The following BRIP1 variants were observed in gnomAD, a reference collection of about 807,000 sequenced individuals.
BRIP1 encodes Fanconi anemia group J protein.
In BRIP1, 88 loss-of-function variants were observed where a neutral mutation model predicts 119.7. That is an observed-to-expected ratio of 0.74 (90% confidence interval 0.62 to 0.88). The LOEUF (loss-of-function observed/expected upper bound fraction) is 0.88. BRIP1 is among the 40% of genes least tolerant of loss of function. The pLI, the probability that BRIP1 is intolerant of heterozygous loss-of-function variation, is 0.00. For missense variants in BRIP1, 1,259 were observed against 1,455.4 expected, an observed-to-expected ratio of 0.87 and a Z score of 2.20; for synonymous variants, 443 against 496.5, an observed-to-expected ratio of 0.89 and a Z score of 1.43.
At chr17:61,721,686 C>T (rs1450831245) in intron 16 of BRIP1, among the ~76,000 whole-genome samples, 2 of 141,662 alleles carry the variant, frequency 1.4e-5, no homozygotes, top group Non-Finnish European at 3.0e-5. Context: ...AGGACATAGA[C>T]TTTGCCTTTT....
intron 6 of BRIP1, among the ~76,000 whole-genome samples, chr17:61,837,701 TA>T (rs1231537853): frequency 6.6e-6 from 1 of 152,126 alleles, no homozygotes; most frequent in Non-Finnish European, 1.5e-5. Flanking sequence ...CATACTATTC[TA>T]AAAAACAATG....
chr17:61,846,097 G>T lies in BRIP1; in HGVS notation c.627+1004C>A, dbSNP rs571717567. On this transcript the variant is annotated intron_variant, in intron 6 of 19. Transcript: ENST00000259008. The surrounding 1 kb of genome is among the most constrained non-coding windows in gnomAD (Gnocchi z 4.3). ...CTCGGGAGGTTGAGGCAGGAGAATGGCATGAACCCAGGAGGCGGAGCTTGC... is the reference window on the plus strand; with the variant it reads ...CTCGGGAGGTTGAGGCAGGAGAATGTCATGAACCCAGGAGGCGGAGCTTGC... Among the ~76,000 whole-genome samples the T allele has an allele frequency of 5.1e-4, 77 of 152,152 alleles. 1 individual carries two copies. The highest frequency in any genetic ancestry group is 7.2e-4 in the Non-Finnish European group (49 of 68,000).
At chr17:61,835,767 A>G (rs539607443) in intron 6 of BRIP1, among the ~76,000 whole-genome samples, 1 of 152,230 alleles carries the variant, frequency 6.6e-6, no homozygotes, top group Admixed American at 6.5e-5. Flanking sequence ...TTAGTACATG[A>G]TAACAGCAAA....
In BRIP1 at chr17:61,705,482, G is replaced by A. The variant is rs536784573; in HGVS notation, c.2492+10469C>T. ...AGTAATGGGATTGCTGAGTTGAATG[G>A]TAGCTCAACTCTTAGTTCAAGCAGC... On this transcript the variant is annotated intron_variant, in intron 17 of 19. Coordinates refer to ENST00000259008, the MANE Select transcript of BRIP1 (RefSeq NM_032043.3). This position sits in a 1 kb window ranked among gnomAD's most constrained non-coding sequence, Gnocchi z 5.0. Among the ~76,000 whole-genome samples, 1 of 152,218 alleles carries A rather than the reference G, an allele frequency of 6.6e-6. No individual in the cohort carries two copies. The highest frequency in any genetic ancestry group is 6.5e-5 in the Admixed American group (1 of 15,274).
In BRIP1 at chr17:61,769,796, C is replaced by G. The variant is rs906751689; in HGVS notation, c.2097+6605G>C. Reference sequence around the variant, plus strand: ...AATCAAGATATGCTTACTGGGACAGCGGCCACTAAAACATAAATTGACAGA... The same window carrying G: ...AATCAAGATATGCTTACTGGGACAGGGGCCACTAAAACATAAATTGACAGA... On this transcript the variant is annotated intron_variant, in intron 14 of 19. Transcript: ENST00000259008. This position sits in a 1 kb window ranked among gnomAD's most constrained non-coding sequence, Gnocchi z 4.9. Among the ~76,000 whole-genome samples, 2 of 152,110 alleles carry G rather than the reference C, an allele frequency of 1.3e-5. No homozygotes were observed. Among genetic ancestry groups the G allele is most frequent in the Non-Finnish European group, 2.9e-5 (2 of 68,024 alleles).
rs1048493234 is a variant in BRIP1 at position 61,775,902 on chromosome 17, TAGAG to T, written c.2097+495_2097+498del. Reference sequence around the variant, plus strand: ...TCTTTCAGATTATTTTATTTTATTTTAGAGAGAGTCTTATTCTGTTGCCCACGCT... The same window carrying T: ...TCTTTCAGATTATTTTATTTTATTTTAGAGTCTTATTCTGTTGCCCACGCT... On this transcript the variant is annotated intron_variant, in intron 14 of 19. Coordinates refer to ENST00000259008, the MANE Select transcript of BRIP1 (RefSeq NM_032043.3). This position sits in a 1 kb window ranked among gnomAD's most constrained non-coding sequence, Gnocchi z 4.4. The T allele has an allele frequency of 6.3e-6, 1 of 157,552 alleles. No individual in the cohort carries two copies. Among genetic ancestry groups the T allele is most frequent in the African/African-American group, 2.4e-5 (1 of 41,486 alleles). The allele number at this position is 157,552 out of a possible 1,614,324, so 9.8% of individuals were successfully genotyped here.
At chr17:61,820,340 C>T (rs184043167) in intron 6 of BRIP1, among the ~76,000 whole-genome samples, 4 of 152,190 alleles carry the variant, frequency 2.6e-5, no homozygotes, top group Admixed American at 2.6e-4. Context: ...ACAAATCATA[C>T]CTGCTTCACA....
chr17:61,763,203 C>A (rs149083743), intron 14 of BRIP1, among the ~76,000 whole-genome samples: 1 of 152,168 alleles, frequency 6.6e-6, no homozygotes, highest in Non-Finnish European at 1.5e-5. Context: ...AGTCTAATGT[C>A]CTCCAGATTC....
intron 17 of BRIP1, among the ~76,000 whole-genome samples, chr17:61,711,770 AG>A: frequency 6.6e-6 from 1 of 152,210 alleles, no homozygotes; most frequent in East Asian, 1.9e-4. Flanking sequence ...CAGGAGGTTG[AG>A]GTAGGAGAAT....
rs200894063 is a variant in BRIP1, at chr17:61,693,441, C to T, written c.2564G>A (p.Arg855His). ...VDDRFRNNPS[R>H]YISGLSKWVR... ...AGCTGAGATCTTACCAGATATATAGCGACTTGGGTTATTCCTAAAGCGATC... is the reference window on the plus strand; with the variant it reads ...AGCTGAGATCTTACCAGATATATAGTGACTTGGGTTATTCCTAAAGCGATC... Residue 855 changes from arginine to histidine, a missense_variant, in exon 18 of 20, where the codon CGC (arginine) becomes CAC (histidine). By Grantham distance (29) the Arg-to-His change is conservative. This residue lies in a region of BRIP1 where 753 missense variants were observed against 891.8 expected (regional missense o/e 0.84). Transcript: ENST00000259008. The surrounding 1 kb of genome is among the most constrained non-coding windows in gnomAD (Gnocchi z 4.2). 51 of 1,612,848 alleles carry T rather than the reference C, an allele frequency of 3.2e-5. No individual in the cohort carries two copies. Among genetic ancestry groups the T allele is most frequent in the African/African-American group, 2.8e-4 (21 of 74,862 alleles).
intron 6 of BRIP1, among the ~76,000 whole-genome samples, chr17:61,817,962 G>A (rs1048598465): frequency 6.6e-6 from 1 of 152,106 alleles, no homozygotes; most frequent in Admixed American, 6.5e-5. Flanking sequence ...TCTAATTTTT[G>A]TCTGAATTCC....
rs2061437709 is a variant in BRIP1 at position 61,690,908 on chromosome 17, A to C, written c.2575+2522T>G. On this transcript the variant is annotated intron_variant, in intron 18 of 19. Transcript: ENST00000259008. This position sits in a 1 kb window ranked among gnomAD's most constrained non-coding sequence, Gnocchi z 5.6. ...ATACACTAAAAACAACCAAAAGAGG[A>C]ATGTAAGAAAACAATCCCATTTATA... is the stretch of plus-strand genomic sequence containing the variant. Among the ~76,000 whole-genome samples, 1 of 152,194 alleles carries C rather than the reference A, an allele frequency of 6.6e-6. No homozygotes were observed. Among genetic ancestry groups the C allele is most frequent in the Non-Finnish European group, 1.5e-5 (1 of 68,040 alleles).
intron 17 of BRIP1, among the ~76,000 whole-genome samples, chr17:61,714,330 G>A (rs1473946526): frequency 6.6e-6 from 1 of 152,162 alleles, no homozygotes; most frequent in Non-Finnish European, 1.5e-5. Flanking sequence ...AGTCCTGTAA[G>A]CTCTATTCGT....
At chr17:61,772,485 G>T (rs1259578387) in intron 14 of BRIP1, among the ~76,000 whole-genome samples, 1 of 151,862 alleles carries the variant, frequency 6.6e-6, no homozygotes, top group African/African-American at 2.4e-5. Flanking sequence ...TAGTGGTCTT[G>T]GTTGTCTAAC....
At position 61,847,102 on chromosome 17, in the gene BRIP1, T is replaced by C. The variant is rs748912293; in HGVS notation, c.626A>G (p.Lys209Arg). The C allele has an allele frequency of 2.9e-5, 46 of 1,613,792 alleles. No individual in the cohort carries two copies. Among genetic ancestry groups the C allele is most frequent in the Non-Finnish European group, 3.9e-5 (46 of 1,179,888 alleles). The change falls in exon 6 of 20, where the codon AAA becomes AGA. Residue 209 changes from lysine (K) to arginine (R), a missense_variant and splice_region_variant. Around this residue, in one of 3 missense-constraint regions of BRIP1, gnomAD observed 501 missense variants for 544.0 expected, o/e 0.92. Transcript: ENST00000259008. ...CTGAACAATGGCATTAATACATACT[T>C]TCTGTGGCGAAAAGGAGTTTATCTT... ...LEKINSFSPQKPPGHCSRCCC... is the reference protein window; with the variant it reads ...LEKINSFSPQRPPGHCSRCCC...
At position 61,810,145 on chromosome 17, in the gene BRIP1, C is replaced by T. The variant is rs1603347971; in HGVS notation, c.628-1388G>A. Among the ~76,000 whole-genome samples the T allele has an allele frequency of 6.6e-6, 1 of 152,190 alleles. No homozygotes were observed. The highest frequency in any genetic ancestry group is 2.4e-5 in the African/African-American group (1 of 41,458). ...CATTCTCCTCTCAGGTTGCCAGTAA[C>T]AGCAGATTTCATTACAGAGTGCTGC... is the stretch of plus-strand genomic sequence containing the variant. On this transcript the variant is annotated intron_variant, in intron 6 of 19. Coordinates refer to ENST00000259008, the MANE Select transcript of BRIP1 (RefSeq NM_032043.3). The surrounding 1 kb of genome is among the most constrained non-coding windows in gnomAD (Gnocchi z 4.7).
chr17:61,833,605 A>G (rs2078525186), intron 6 of BRIP1, among the ~76,000 whole-genome samples: 1 of 150,184 alleles, frequency 6.7e-6, no homozygotes, highest in South Asian at 2.1e-4. Flanking sequence ...CAGGAGGTGG[A>G]GGTTGCAGTG....
chr17:61,787,918 A>G (rs960113862), intron 10 of BRIP1, among the ~76,000 whole-genome samples: 1 of 152,206 alleles, frequency 6.6e-6, no homozygotes, highest in Non-Finnish European at 1.5e-5. Context: ...TGCTGGGATT[A>G]CAGGCGTGAG....
At position 61,729,617 on chromosome 17, in the gene BRIP1, A is replaced by T. The variant is rs2076817103; in HGVS notation, c.2379+13396T>A. On this transcript the variant is annotated intron_variant, in intron 16 of 19. Transcript: ENST00000259008. The surrounding 1 kb of genome is among the most constrained non-coding windows in gnomAD (Gnocchi z 5.6). ...GGGTGCAGGCCAAAAGACTGTTATA[A>T]GAAAAAGCTATCTACTGTATTTAGT... 6.6e-6 allele frequency among the ~76,000 whole-genome samples: 1 copy of T among 152,224 alleles called. No individual in the cohort carries two copies.
Sources: gnomAD v4.1 joint callset for allele counts (sites outside exome capture counted in the v4.1 genomes callset) on GRCh38, gnomAD v4.1.1 for gene constraint, gnomAD v4.1.1 regional missense constraint, Gnocchi (gnomAD v3.1) non-coding constraint, MANE v1.5 for transcripts, NCBI Gene and HGNC (gene_info 2026-07-23, HGNC 2026-07-21) for gene names.